The following GRIK4 variants were observed in gnomAD, a reference collection of about 807,000 sequenced individuals.
The protein encoded by GRIK4 is glutamate ionotropic receptor kainate type subunit 4.
In GRIK4, 40 loss-of-function variants were observed where a neutral mutation model predicts 104.9. The ratio of observed to expected loss-of-function variants is 0.38; its 90% confidence interval spans 0.30 to 0.50. The LOEUF (loss-of-function observed/expected upper bound fraction) is 0.50, where lower values mean the gene tolerates loss of function less well. GRIK4 is among the 20% of genes least tolerant of loss of function. The probability of loss-of-function intolerance (pLI) is 0.93; values close to 1 mark genes in which losing one functional copy is unlikely to be tolerated. For synonymous variants in GRIK4, 485 were observed against 524.9 expected, an observed-to-expected ratio of 0.92 and a Z score of 1.04; for missense variants, 1,047 against 1,308.1, an observed-to-expected ratio of 0.80 and a Z score of 3.08.
intron 11 of GRIK4, among the ~76,000 whole-genome samples, chr11:120,887,500 TC>T (rs1029655684): frequency 6.6e-6 from 1 of 152,232 alleles, no homozygotes; most frequent in Non-Finnish European, 1.5e-5. Flanking sequence ...CAAGCCTGTA[TC>T]CTTCTTTTAT....
chr11:120,515,049 C>G, intron 1 of GRIK4: 1 of 456,686 alleles, frequency 2.2e-6, no homozygotes, highest in Non-Finnish European at 4.4e-6. Context: ...TTCCAAGATG[C>G]CTTGCAGGTG....
At chr11:120,835,596 A>G (rs865873416) in intron 7 of GRIK4, among the ~76,000 whole-genome samples, 1 of 152,124 alleles carries the variant, frequency 6.6e-6, no homozygotes, top group East Asian at 1.9e-4. Flanking sequence ...GATGAACACT[A>G]TGTAAGAGGA....
chr11:120,704,016 G>A (rs953244999), intron 3 of GRIK4, among the ~76,000 whole-genome samples: 15 of 152,252 alleles, frequency 9.9e-5, no homozygotes, highest in South Asian at 6.2e-4. Flanking sequence ...CTGAGTTTCC[G>A]TTCACTAGCT....
chr11:120,926,466 T>C (rs1353864699), intron 13 of GRIK4, among the ~76,000 whole-genome samples: 2 of 152,212 alleles, frequency 1.3e-5, no homozygotes, highest in Non-Finnish European at 2.9e-5. Flanking sequence ...CTCCCCAACA[T>C]ACCTACAAAG....
intron 1 of GRIK4, among the ~76,000 whole-genome samples, chr11:120,643,802 A>G (rs1949502945): frequency 6.6e-6 from 1 of 152,200 alleles, no homozygotes; most frequent in Non-Finnish European, 1.5e-5. Context: ...TGTTGCAGCC[A>G]GGGTGTCTAA....
At chr11:120,649,516 G>A (rs78799876) in intron 1 of GRIK4, among the ~76,000 whole-genome samples, 4,920 of 152,242 alleles carry the variant, frequency 0.032, 253 homozygotes, top group African/African-American at 0.11. Context: ...AGCCGTTCCA[G>A]TGCTTTCCTC....
At chr11:120,886,724 G>A (rs1955128469) in intron 11 of GRIK4, among the ~76,000 whole-genome samples, 1 of 152,206 alleles carries the variant, frequency 6.6e-6, no homozygotes, top group Non-Finnish European at 1.5e-5. Context: ...CCAGGAATGA[G>A]CAAATGTATG....
intron 3 of GRIK4, among the ~76,000 whole-genome samples, chr11:120,725,427 A>G (rs1196950110): frequency 1.3e-5 from 2 of 152,220 alleles, no homozygotes; most frequent in Non-Finnish European, 2.9e-5. Context: ...CCAAGGAAGA[A>G]GGCTTTAATT....
chr11:120,817,786 G>GCT (rs1471503239), intron 5 of GRIK4, among the ~76,000 whole-genome samples: 6 of 152,222 alleles, frequency 3.9e-5, no homozygotes, highest in Admixed American at 2.6e-4. Context: ...TGTGCCGAAG[G>GCT]CTCCCCATCA....
chr11:120,881,768 C>T (rs1438115192), intron 11 of GRIK4, among the ~76,000 whole-genome samples: 2 of 152,238 alleles, frequency 1.3e-5, no homozygotes, highest in Non-Finnish European at 2.9e-5. Context: ...AGAGGCAGCT[C>T]TGCCCCCTTT....
chr11:120,943,488 G>T (rs1209798651), intron 14 of GRIK4, among the ~76,000 whole-genome samples: 1 of 152,156 alleles, frequency 6.6e-6, no homozygotes, highest in Non-Finnish European at 1.5e-5. Context: ...GCCTTAGGAA[G>T]ATCTGCTGTG....
chr11:120,708,284 G>A (rs112253379), intron 3 of GRIK4, among the ~76,000 whole-genome samples: 1 of 152,148 alleles, frequency 6.6e-6, no homozygotes, highest in Admixed American at 6.5e-5. Flanking sequence ...AGCGCCTGAT[G>A]TGTTTCTACC....
intron 13 of GRIK4, among the ~76,000 whole-genome samples, chr11:120,926,834 T>A (rs1943356259): frequency 6.6e-6 from 1 of 152,092 alleles, no homozygotes; most frequent in Non-Finnish European, 1.5e-5. Context: ...AATCAACAGG[T>A]AAACTGGTAA....
chr11:120,772,813 C>G (rs1027435078), intron 3 of GRIK4, among the ~76,000 whole-genome samples: 1 of 151,786 alleles, frequency 6.6e-6, no homozygotes, highest in Admixed American at 6.6e-5. Flanking sequence ...ATACCTCTTC[C>G]CTGGGACAGA....
intron 1 of GRIK4, among the ~76,000 whole-genome samples, chr11:120,562,426 G>A (rs1948250296): frequency 6.6e-6 from 1 of 152,244 alleles, no homozygotes; most frequent in Non-Finnish European, 1.5e-5. Context: ...GTCTCAGATG[G>A]ATGGCAGGGA....
In GRIK4 at chr11:120,750,998, C is replaced by T. The variant is rs72645481; in HGVS notation, c.83-51695C>T. The stretch of plus-strand genomic sequence containing the variant: ...ACATGTGCAGTAAAGCCTTTTGCAA[C>T]GTGAAAGTTAATTGCGGAGGGTTCC... On this transcript the variant is annotated intron_variant, in intron 3 of 20. Coordinates refer to ENST00000527524, the MANE Select transcript of GRIK4 (RefSeq NM_014619.5). Among the ~76,000 whole-genome samples the T allele has an allele frequency of 3.8e-3, 583 of 152,286 alleles. 37 individuals carry two copies. In the East Asian group the frequency reaches 0.1, roughly 26 times the overall value.
At chr11:120,583,076 G>A (rs151194111) in intron 1 of GRIK4, among the ~76,000 whole-genome samples, 1,644 of 152,182 alleles carry the variant, frequency 0.011, 14 homozygotes, top group Admixed American at 0.015. Flanking sequence ...ATCGCCTTGC[G>A]GTTTTGATTT....
rs560574928 is a variant in GRIK4 at position 120,565,291 on chromosome 11, A to G, written c.-159+53404A>G. Among the ~76,000 whole-genome samples the G allele has an allele frequency of 2.8e-4, 43 of 152,286 alleles. No homozygotes were observed. In the South Asian group the frequency reaches 8.7e-3, roughly 31 times the overall value. ...AGCCGGCGATTAAAGGACTCTAAGA[A>G]CCAGAGCTAAGTGGCTGCAAAGATA... On this transcript the variant is annotated intron_variant, in intron 1 of 20. Transcript: ENST00000527524.
intron 1 of GRIK4, among the ~76,000 whole-genome samples, chr11:120,598,543 C>CCTCT (rs1004793887): frequency 5.3e-5 from 8 of 152,186 alleles, no homozygotes; most frequent in African/African-American, 1.7e-4. Context: ...CTCCCCAAAA[C>CCTCT]TTAGTGGCTC....
Sources: gnomAD v4.1 joint callset for allele counts (sites outside exome capture counted in the v4.1 genomes callset) on GRCh38, gnomAD v4.1.1 for gene constraint, MANE v1.5 for transcripts, NCBI Gene and HGNC (gene_info 2026-07-23, HGNC 2026-07-21) for gene names.